The following COL6A6 variants were observed in gnomAD, a reference collection of about 807,000 sequenced individuals.
COL6A6 encodes collagen type VI alpha 6 chain, also known as collagen alpha-6(VI) chain.
In COL6A6, 183 loss-of-function variants were observed where a neutral mutation model predicts 208.6. The ratio of observed to expected loss-of-function variants is 0.88; its 90% CI spans 0.78 to 0.99. The LOEUF (loss-of-function observed/expected upper bound fraction) is 0.99. COL6A6 is among the 50% of genes least tolerant of loss of function. The pLI, the probability that COL6A6 is intolerant of heterozygous loss-of-function variation, is 0.00. For synonymous variants in COL6A6, 973 were observed against 1,011.8 expected, an observed-to-expected ratio of 0.96 and a Z score of 0.73; for missense variants, 2,816 against 2,815.2, an observed-to-expected ratio of 1.00 and a Z score of -0.01.
chr3:130,586,219 G>A (rs946460539), intron 10 of COL6A6, among the ~76,000 whole-genome samples: 6 of 152,196 alleles, frequency 3.9e-5, no homozygotes, highest in African/African-American at 1.4e-4. Context: ...ACTTTAGCAT[G>A]CTCTGTAGAT....
intron 1 of COL6A6, among the ~76,000 whole-genome samples, chr3:130,528,030 G>C (rs2107688969): frequency 6.6e-6 from 1 of 151,554 alleles, no homozygotes; most frequent in Middle Eastern, 3.4e-3. Flanking sequence ...AGGTTTCCAG[G>C]AGACAGACAT....
intron 32 of COL6A6, among the ~76,000 whole-genome samples, chr3:130,645,268 A>G (rs1448956798): frequency 1.3e-5 from 2 of 152,108 alleles, no homozygotes; most frequent in Non-Finnish European, 2.9e-5. Flanking sequence ...GACTAACATC[A>G]CCATTCACCT....
intron 1 of COL6A6, among the ~76,000 whole-genome samples, chr3:130,536,226 A>C (rs941453243): frequency 2.0e-5 from 3 of 152,190 alleles, no homozygotes; most frequent in African/African-American, 7.2e-5. Flanking sequence ...AATTCTGTTC[A>C]TCCTTTAAAG....
At chr3:130,596,533 G>A (rs2063855272) in intron 18 of COL6A6, among the ~76,000 whole-genome samples, 1 of 152,142 alleles carries the variant, frequency 6.6e-6, no homozygotes, top group Admixed American at 6.5e-5. Context: ...AGGAAAAATT[G>A]GGGATAAATA....
intron 11 of COL6A6, among the ~76,000 whole-genome samples, chr3:130,587,742 A>G (rs1023229178): frequency 1.1e-4 from 16 of 152,270 alleles, no homozygotes; most frequent in Non-Finnish European, 2.9e-5. Context: ...TATAAAATTC[A>G]TATACACATA....
chr3:130,585,951 A>G (rs1372344373), intron 10 of COL6A6, among the ~76,000 whole-genome samples: 2 of 152,200 alleles, frequency 1.3e-5, no homozygotes, highest in Non-Finnish European at 2.9e-5. Context: ...GCAAAAATGT[A>G]GAACATGTAT....
chr3:130,526,523 C>G (rs1308418975), intron 1 of COL6A6, among the ~76,000 whole-genome samples: 1 of 152,124 alleles, frequency 6.6e-6, no homozygotes, highest in East Asian at 1.9e-4. Flanking sequence ...CTTCAAAGAT[C>G]CCTCTGATTG....
In COL6A6 at chr3:130,540,136, A is replaced by G. The variant is rs376308204; in HGVS notation, c.-31-20198A>G. On this transcript the variant is annotated intron_variant, in intron 1 of 36. Coordinates refer to ENST00000358511, the MANE Select transcript of COL6A6 (RefSeq NM_001102608.3). ...CCTTTCTCTCTGCCCCCCACATCCT[A>G]TGTAACTACTATCCTGACCCTTATG... Among the ~76,000 whole-genome samples the G allele has an allele frequency of 3.5e-3, 540 of 152,278 alleles. 4 individuals carry two copies. Among genetic ancestry groups the G allele is most frequent in the African/African-American group, 0.012 (487 of 41,558 alleles).
intron 23 of COL6A6, among the ~76,000 whole-genome samples, chr3:130,612,146 G>T (rs922150685): frequency 6.6e-6 from 1 of 152,112 alleles, no homozygotes; most frequent in South Asian, 2.1e-4. Flanking sequence ...GTATTCCATG[G>T]TATATATTTA....
At chr3:130,539,525 T>A (rs1033345626) in intron 1 of COL6A6, among the ~76,000 whole-genome samples, 1 of 151,476 alleles carries the variant, frequency 6.6e-6, no homozygotes, top group African/African-American at 2.4e-5. Flanking sequence ...TCCCAGCTAC[T>A]CAGGAGGCTG....
In COL6A6 at chr3:130,586,639, A is replaced by G; in HGVS notation, c.4104A>G (p.Gly1368=). Reference sequence around the variant, plus strand: ...TCTCTATTGGCATGAGAGAACTTGGAAGCCGGCTGTCAAAGCAGCTGGTAA... The same window carrying G: ...TCTCTATTGGCATGAGAGAACTTGGGAGCCGGCTGTCAAAGCAGCTGGTAA... ...TQLSIGMREL[G]SRLSKQLVNV... Residue 1368 remains glycine (G), a synonymous_variant, in exon 11 of 37, where the codon GGA becomes GGG. Transcript: ENST00000358511. 1 of 1,612,440 alleles carries G rather than the reference A, an allele frequency of 6.2e-7. No homozygotes were observed. The highest frequency in any genetic ancestry group is 1.1e-5 in the South Asian group (1 of 90,340).
At position 130,565,299 on chromosome 3, in the gene COL6A6, C is replaced by A; in HGVS notation, c.967C>A (p.Arg323=). ...KKLRKEVFSA[R]NGSRKNQGVP... ...GCTCAGGAAGGAAGTTTTTAGTGCA[C>A]GGAATGGCAGTCGGAAGAATCAGGG... is the stretch of plus-strand genomic sequence containing the variant. Residue 323 remains arginine, a synonymous_variant, in exon 4 of 37, where the codon CGG becomes AGG. Transcript: ENST00000358511. 1 of 1,613,980 alleles carries A rather than the reference C, an allele frequency of 6.2e-7. No homozygotes were observed. The highest frequency in any genetic ancestry group is 8.5e-7 in the Non-Finnish European group (1 of 1,179,896).
At chr3:130,657,228 C>T (rs1444293246) in intron 33 of COL6A6, among the ~76,000 whole-genome samples, 1 of 152,200 alleles carries the variant, frequency 6.6e-6, no homozygotes, top group Non-Finnish European at 1.5e-5. Flanking sequence ...GAGTGTGCAG[C>T]CCCGACTGTA....
At chr3:130,542,080 A>T (rs1466883664) in intron 1 of COL6A6, among the ~76,000 whole-genome samples, 1 of 147,742 alleles carries the variant, frequency 6.8e-6, no homozygotes, top group Non-Finnish European at 1.5e-5. Flanking sequence ...AGGCTTATCA[A>T]TTTTATTGTT....
At chr3:130,520,995 T>C (rs1426977576) in intron 1 of COL6A6, among the ~76,000 whole-genome samples, 1 of 152,228 alleles carries the variant, frequency 6.6e-6, no homozygotes, top group African/African-American at 2.4e-5. Context: ...AAGAATAGAA[T>C]ATACAAACCA....
At chr3:130,586,954 A>G (rs1373482180) in intron 11 of COL6A6, among the ~76,000 whole-genome samples, 1 of 152,232 alleles carries the variant, frequency 6.6e-6, no homozygotes, top group Non-Finnish European at 1.5e-5. Flanking sequence ...GCCAAAGAAC[A>G]TAAGTGACAA....
At chr3:130,671,177 C>T (rs996361194) in intron 36 of COL6A6, among the ~76,000 whole-genome samples, 3 of 152,182 alleles carry the variant, frequency 2.0e-5, no homozygotes, top group African/African-American at 7.2e-5. Flanking sequence ...TGCTTTTAGA[C>T]TTAAGGGCCT....
intron 8 of COL6A6, among the ~76,000 whole-genome samples, chr3:130,577,847 G>A (rs1042391541): frequency 2.6e-5 from 4 of 152,220 alleles, no homozygotes; most frequent in African/African-American, 9.7e-5. Flanking sequence ...GTTGCTGAGA[G>A]TACCATGAAG....
chr3:130,554,545 G>A (rs1577686327), intron 1 of COL6A6, among the ~76,000 whole-genome samples: 1 of 152,200 alleles, frequency 6.6e-6, no homozygotes, highest in African/African-American at 2.4e-5. Context: ...TGGTCTCCCT[G>A]TGTGTGTTCA....
Sources: gnomAD v4.1 joint callset for allele counts (sites outside exome capture counted in the v4.1 genomes callset) on GRCh38, gnomAD v4.1.1 for gene constraint, MANE v1.5 for transcripts, NCBI Gene and HGNC (gene_info 2026-07-23, HGNC 2026-07-21) for gene names.